Variants in GMDS observed in about 807,000 individuals in gnomAD.
GMDS encodes GDP-mannose 4,6 dehydratase.
Under a neutral mutation model 49.9 loss-of-function variants are expected in GMDS, and 20 were observed. The ratio of observed to expected loss-of-function variants is 0.40; its 90% confidence interval spans 0.28 to 0.58. The LOEUF is 0.58. Among genes scored for constraint, GMDS ranks in the 20% least tolerant of loss-of-function variants. The pLI, the probability that GMDS is intolerant of heterozygous loss-of-function variation, is 0.42. For synonymous variants in GMDS, 177 were observed against 178.6 expected (o/e 0.99, Z 0.07); for missense variants, 362 against 481.4 (o/e 0.75, Z 2.32).
chr6:1,706,567 A>G (rs1487322453), intron 9 of GMDS, among the ~76,000 whole-genome samples: 1 of 152,238 alleles, frequency 6.6e-6, no homozygotes, highest in African/African-American at 2.4e-5. Context: ...GAACATTTGG[A>G]AAACACAAAC....
chr6:1,925,823 C>T (rs2113915292), intron 7 of GMDS, among the ~76,000 whole-genome samples: 1 of 152,296 alleles, frequency 6.6e-6, no homozygotes, highest in African/African-American at 2.4e-5. Flanking sequence ...CCTTCACGCC[C>T]AAATGCTGCA....
At chr6:1,856,970 A>T (rs1465267004) in intron 7 of GMDS, among the ~76,000 whole-genome samples, 3 of 152,304 alleles carry the variant, frequency 2.0e-5, no homozygotes, top group African/African-American at 7.2e-5. Flanking sequence ...CTTATCATCT[A>T]AGAAACTAAA....
In GMDS at chr6:2,213,079, G is replaced by T. The variant is rs114649502; in HGVS notation, c.102+32242C>A. 9.0e-3 allele frequency among the ~76,000 whole-genome samples: 1,376 copies of T among 152,162 alleles called. 18 individuals are homozygous for T. The highest frequency in any genetic ancestry group is 0.032 in the African/African-American group (1,319 of 41,470). ...ACATTATTTTTGTCCCAGTATTTTT[G>T]AATTCAATAAAGGGGGCGTGGGCTC... is the stretch of plus-strand genomic sequence containing the variant. On this transcript the variant is annotated intron_variant, in intron 1 of 10. Coordinates refer to ENST00000380815, the MANE Select transcript of GMDS (RefSeq NM_001500.4).
At chr6:2,204,814 G>T (rs1779718011) in intron 1 of GMDS, among the ~76,000 whole-genome samples, 1 of 152,172 alleles carries the variant, frequency 6.6e-6, no homozygotes, top group East Asian at 1.9e-4. Context: ...ACTGGTAAAA[G>T]GTGGCAAACT....
At chr6:1,977,781 T>C (rs1764991983) in intron 4 of GMDS, among the ~76,000 whole-genome samples, 2 of 152,288 alleles carry the variant, frequency 1.3e-5, no homozygotes, top group South Asian at 4.1e-4. Flanking sequence ...CGTGAGCCCA[T>C]GCTACCAGGG....
At chr6:1,702,705 A>G (rs1765584859) in intron 9 of GMDS, among the ~76,000 whole-genome samples, 1 of 152,172 alleles carries the variant, frequency 6.6e-6, no homozygotes, top group Non-Finnish European at 1.5e-5. Context: ...TCAGCAGGAA[A>G]GTTTCTGCAA....
intron 7 of GMDS, among the ~76,000 whole-genome samples, chr6:1,845,252 C>T (rs1286086920): frequency 6.6e-6 from 1 of 152,168 alleles, no homozygotes; most frequent in Non-Finnish European, 1.5e-5. Context: ...TATAAGGTCA[C>T]AGACTGAGTT....
intron 1 of GMDS, among the ~76,000 whole-genome samples, chr6:2,150,068 A>G (rs1345008620): frequency 6.6e-6 from 1 of 152,168 alleles, no homozygotes; most frequent in African/African-American, 2.4e-5. Context: ...CAGTATTCTT[A>G]CAGTTTGTAA....
chr6:1,962,730 C>CA (rs1764025672), intron 4 of GMDS, among the ~76,000 whole-genome samples: 1 of 151,818 alleles, frequency 6.6e-6, no homozygotes, highest in African/African-American at 2.4e-5. Context: ...TAAATTGGGT[C>CA]ATTTGTTGAG....
intron 1 of GMDS, among the ~76,000 whole-genome samples, chr6:2,203,660 A>G (rs1007269264): frequency 2.6e-5 from 4 of 151,388 alleles, no homozygotes; most frequent in African/African-American, 9.7e-5. Context: ...TAACACTACG[A>G]AAAAAAAATG....
At chr6:1,685,614 C>T (rs1581457172) in intron 9 of GMDS, among the ~76,000 whole-genome samples, 1 of 152,116 alleles carries the variant, frequency 6.6e-6, no homozygotes, top group African/African-American at 2.4e-5. Context: ...CCCATGGATT[C>T]CCAGATTGGG....
At chr6:1,628,736 C>T (rs936956034) in intron 9 of GMDS, among the ~76,000 whole-genome samples, 4 of 152,024 alleles carry the variant, frequency 2.6e-5, no homozygotes, top group Non-Finnish European at 5.9e-5. Flanking sequence ...TCTTGATGCC[C>T]TAAATAGGAG....
intron 9 of GMDS, among the ~76,000 whole-genome samples, chr6:1,694,020 C>T (rs1765256962): frequency 6.6e-6 from 1 of 152,110 alleles, no homozygotes; most frequent in Admixed American, 6.6e-5. Flanking sequence ...TTCTCCAATT[C>T]CAAAGACTGT....
intron 1 of GMDS, among the ~76,000 whole-genome samples, chr6:2,243,062 C>T (rs1781689972): frequency 6.6e-6 from 1 of 152,184 alleles, no homozygotes; most frequent in Non-Finnish European, 1.5e-5. Flanking sequence ...GGTACAGAAG[C>T]CAATGCAACA....
In GMDS at chr6:2,121,906, G is replaced by A. The variant is rs183657831; in HGVS notation, c.147+2781C>T. Among the ~76,000 whole-genome samples, 6 of 152,212 alleles carry A rather than the reference G, an allele frequency of 3.9e-5. No individual in the cohort carries two copies. In the East Asian group the frequency reaches 1.2e-3, roughly 29 times the overall value. On this transcript the variant is annotated intron_variant, in intron 2 of 10. Coordinates refer to ENST00000380815, the MANE Select transcript of GMDS (RefSeq NM_001500.4). ...CTCTCCACACTGCCCATGCTTCCCA[G>A]TTTCAAAATGCACAGCTGGCCTTAC...
chr6:1,869,466 A>G (rs900199601), intron 7 of GMDS, among the ~76,000 whole-genome samples: 1 of 152,162 alleles, frequency 6.6e-6, no homozygotes, highest in Non-Finnish European at 1.5e-5. Flanking sequence ...TTCTTTCAAC[A>G]GCAATTACTT....
At chr6:1,707,795 C>T (rs993780572) in intron 9 of GMDS, among the ~76,000 whole-genome samples, 1 of 152,192 alleles carries the variant, frequency 6.6e-6, no homozygotes, top group African/African-American at 2.4e-5. Flanking sequence ...GCACTGAAAG[C>T]AATTTTACAT....
chr6:2,041,121 C>T (rs1343884322), intron 4 of GMDS, among the ~76,000 whole-genome samples: 2 of 152,078 alleles, frequency 1.3e-5, no homozygotes, highest in Non-Finnish European at 2.9e-5. Flanking sequence ...AGGTAGAAAG[C>T]TAACTAATAC....
At chr6:2,128,366 G>A (rs1032078488) in intron 1 of GMDS, among the ~76,000 whole-genome samples, 3 of 151,948 alleles carry the variant, frequency 2.0e-5, no homozygotes, top group Non-Finnish European at 2.9e-5. Context: ...AGTAGAGACA[G>A]GTTTCACCAT....
Sources: allele counts gnomAD v4.1 joint callset (sites outside exome capture counted in the v4.1 genomes callset), GRCh38; gene constraint gnomAD v4.1.1; transcripts MANE v1.5; gene names NCBI Gene and HGNC (gene_info 2026-07-23, HGNC 2026-07-21).